The following ANKUB1 variants were observed in gnomAD, a reference collection of about 807,000 sequenced individuals.
ANKUB1 encodes the protein ankyrin repeat and ubiquitin domain containing 1.
Under a neutral mutation model 49.3 loss-of-function variants are expected in ANKUB1, and 42 were observed. The observed-to-expected ratio is 0.85, with a 90% CI of 0.67 to 1.10. The LOEUF (loss-of-function observed/expected upper bound fraction) is 1.10, where lower values mean the gene tolerates loss of function less well. ANKUB1 is among the 50% of genes least tolerant of loss of function. The pLI, the probability that ANKUB1 is intolerant of heterozygous loss-of-function variation, is 0.00. For missense variants in ANKUB1, 613 were observed against 642.0 expected, an observed-to-expected ratio of 0.95 and a Z score of 0.49; for synonymous variants, 222 against 231.0, an observed-to-expected ratio of 0.96 and a Z score of 0.35.
chr3:149,789,645 T>TC (rs397955939), intron 2 of ANKUB1, among the ~76,000 whole-genome samples: 3 of 151,424 alleles, frequency 2.0e-5, no homozygotes, highest in Non-Finnish European at 2.9e-5. Flanking sequence ...TTTTTTTTTT[T>TC]CCGAGATGGG....
At position 149,780,395 on chromosome 3, in the gene ANKUB1, T is replaced by A. The variant is rs1717807903; in HGVS notation, c.295A>T (p.Met99Leu). ...TTATCAAGAAGGGAAATGCTCTCCA[T>A]TACTGGCATTGTGTCTTGAGTTACA... ...NAVTQDTMPV[M>L]ESISLLDKTV... The change falls in exon 3 of 6, where the codon ATG becomes TTG. Residue 99 changes from methionine to leucine, a missense_variant. By Grantham distance (15) the Met-to-Leu change is conservative. Transcript: ENST00000446160. The A allele has an allele frequency of 6.4e-7, 1 of 1,552,116 alleles. No homozygotes were observed. The highest frequency in any genetic ancestry group is 1.4e-5 in the African/African-American group (1 of 73,060).
intron 3 of ANKUB1, among the ~76,000 whole-genome samples, chr3:149,775,285 G>A (rs1408154867): frequency 4.6e-5 from 7 of 152,132 alleles, no homozygotes; most frequent in Non-Finnish European, 1.0e-4. Context: ...TGTTTCTCTG[G>A]TTTGAGCTTC....
intron 5 of ANKUB1, among the ~76,000 whole-genome samples, chr3:149,764,732 TC>T (rs1716940481): frequency 6.6e-6 from 1 of 151,116 alleles, no homozygotes; most frequent in Admixed American, 6.6e-5. Context: ...TTCCTTATTT[TC>T]TTTCCTTCTT....
rs1215306159 is a variant in ANKUB1 at position 149,780,370 on chromosome 3, T to C, written c.320A>G (p.Lys107Arg). The change falls in exon 3 of 6, where the codon AAA (lysine) becomes AGA (arginine). Residue 107 changes from lysine (K) to arginine (R), a missense_variant. Physicochemically the swap from Lys to Arg is conservative, Grantham distance 26. Transcript: ENST00000446160. ...CAGTGTTCTCAGATCAGACACTGTTTTATCAAGAAGGGAAATGCTCTCCAT... is the reference window on the plus strand; with the variant it reads ...CAGTGTTCTCAGATCAGACACTGTTCTATCAAGAAGGGAAATGCTCTCCAT... ...PVMESISLLD[K>R]TVSDLRTLVT... 1.9e-6 allele frequency: 3 copies of C among 1,551,988 alleles called. No homozygotes were observed. The East Asian group carries it at 7.3e-5, about 38-fold the overall frequency.
chr3:149,777,378 AG>A (rs1717645896), intron 3 of ANKUB1, among the ~76,000 whole-genome samples: 1 of 152,028 alleles, frequency 6.6e-6, no homozygotes, highest in Admixed American at 6.5e-5. Context: ...AGGCTGAGGC[AG>A]GGGAATCGCT....
intron 3 of ANKUB1, among the ~76,000 whole-genome samples, chr3:149,777,427 G>A (rs562062134): frequency 5.0e-4 from 76 of 152,194 alleles, no homozygotes; most frequent in African/African-American, 1.7e-3. Context: ...AGCTGAGGTC[G>A]TGCCACTGCA....
chr3:149,761,590 A>G lies in ANKUB1; in HGVS notation c.1529T>C (p.Leu510Pro). 1 of 1,551,244 alleles carries G rather than the reference A, an allele frequency of 6.4e-7. No individual in the cohort carries two copies. Among genetic ancestry groups the G allele is most frequent in the Non-Finnish European group, 8.7e-7 (1 of 1,146,734 alleles). Residue 510 changes from leucine (L) to proline (P), a missense_variant, in exon 6 of 6, where the codon CTT becomes CCT. Physicochemically the swap from Leu to Pro is moderately conservative, Grantham distance 98. Transcript: ENST00000446160. ...GACTCTTGCTATTTCTAACTGCTGA[A>G]GCCATCGTTTCTCTTTAAAGGCACT... ...VASAFKEKRW[L>P]QQLEIARVLA...
chr3:149,774,533 T>C (rs2108269916), intron 3 of ANKUB1, among the ~76,000 whole-genome samples: 1 of 152,342 alleles, frequency 6.6e-6, no homozygotes, highest in East Asian at 1.9e-4. Context: ...GTCTCAGCTC[T>C]CTCTAGCCCT....
At chr3:149,770,873 T>C (rs1323711359) in intron 3 of ANKUB1, among the ~76,000 whole-genome samples, 199 bp from the exon 4 acceptor site, 1 of 152,254 alleles carries the variant, frequency 6.6e-6, no homozygotes, top group East Asian at 1.9e-4. Flanking sequence ...CATCTGTGTA[T>C]TACCATTTTC....
At chr3:149,770,079 A>G (rs9835080) in intron 4 of ANKUB1, among the ~76,000 whole-genome samples, 11,273 of 152,214 alleles carry the variant, frequency 0.074, 547 homozygotes, top group Middle Eastern at 0.16. Flanking sequence ...ATGACTAGGA[A>G]ATATATTTTC....
chr3:149,770,421 T>G, intron 4 of ANKUB1, 139 bp downstream of exon 4: 1 of 633,350 alleles, frequency 1.6e-6, no homozygotes, highest in Non-Finnish European at 2.7e-6. Flanking sequence ...TAATAATATT[T>G]GGTTGAGACA....
intron 2 of ANKUB1, among the ~76,000 whole-genome samples, chr3:149,788,503 A>G (rs773210035): frequency 6.6e-6 from 1 of 151,840 alleles, no homozygotes; most frequent in Non-Finnish European, 1.5e-5. Flanking sequence ...ACACCCGGAA[A>G]ATTTTTAAAA....
At chr3:149,763,665 ACAATGAG>A (rs1716867725) in intron 5 of ANKUB1, among the ~76,000 whole-genome samples, 1 of 152,210 alleles carries the variant, frequency 6.6e-6, no homozygotes, top group African/African-American at 2.4e-5. Flanking sequence ...CTGGAATTGG[ACAATGAG>A]CAATAAGGAA....
intron 3 of ANKUB1, chr3:149,778,658 G>A (rs1207974138): frequency 2.0e-5 from 3 of 152,102 alleles, no homozygotes; most frequent in African/African-American, 7.2e-5. Flanking sequence ...GTGCAGAGCA[G>A]GTATGTGCAC....
In ANKUB1 at chr3:149,767,707, A is replaced by G. The variant is rs149276173; in HGVS notation, c.955T>C (p.Trp319Arg). 417 of 1,551,702 alleles carry G rather than the reference A, an allele frequency of 2.7e-4. 5 individuals carry two copies. The East Asian group carries it at 9.1e-3, about 34-fold the overall frequency. The stretch of plus-strand genomic sequence containing the variant: ...CTGTGACTCTGAGCTCTGAGGATCC[A>G]TTGTTTTATTTTAATATAAATCCTC... ...PMRIYIKIKQ[W>R]ILRAQSHSLH... The change falls in exon 5 of 6, where the codon TGG (tryptophan) becomes CGG (arginine). Residue 319 changes from tryptophan (W) to arginine (R), a missense_variant. Coordinates refer to ENST00000446160, the MANE Select transcript of ANKUB1 (RefSeq NM_001144960.3).
chr3:149,761,754 G>A, intron 5 of ANKUB1, 141 bp from the exon 6 acceptor site: 1 of 924,160 alleles, frequency 1.1e-6, no homozygotes, highest in African/African-American at 1.7e-5. Context: ...AATAGAAACA[G>A]TAATCTTTCT....
intron 3 of ANKUB1, 120 bp from the exon 4 acceptor site, chr3:149,770,794 A>G: frequency 1.6e-6 from 1 of 626,970 alleles, no homozygotes; most frequent in South Asian, 2.2e-5. Context: ...ATGAAAAATA[A>G]CCTTGGAACA....
intron 5 of ANKUB1, chr3:149,766,569 G>A (rs1338747470): frequency 1.0e-5 from 4 of 383,946 alleles, no homozygotes; most frequent in Non-Finnish European, 2.0e-5. Flanking sequence ...GGAGGCCAAG[G>A]TGGGAGGATC....
intron 2 of ANKUB1, among the ~76,000 whole-genome samples, chr3:149,788,611 A>C (rs2108282110): frequency 6.6e-6 from 1 of 152,258 alleles, no homozygotes; most frequent in African/African-American, 2.4e-5. Flanking sequence ...TAGCAGTTTA[A>C]AACTTCAGGT....
Sources: gnomAD v4.1 joint callset for allele counts (sites outside exome capture counted in the v4.1 genomes callset) on GRCh38, gnomAD v4.1.1 for gene constraint, MANE v1.5 for transcripts, NCBI Gene and HGNC (gene_info 2026-07-23, HGNC 2026-07-21) for gene names.